The following ANO3 variants were observed in gnomAD, a reference collection of about 807,000 sequenced individuals.
ANO3 encodes anoctamin 3, also known as anoctamin-3.
Under a neutral mutation model 144.8 loss-of-function variants are expected in ANO3, and 99 were observed. The ratio of observed to expected loss-of-function variants is 0.68; its 90% CI spans 0.58 to 0.81. The LOEUF (loss-of-function observed/expected upper bound fraction) is 0.81. Ranked by LOEUF, ANO3 falls within the 30% of genes least tolerant of loss-of-function variation. The probability of loss-of-function intolerance (pLI) is 0.00; values close to 1 mark genes in which losing one functional copy is unlikely to be tolerated. For synonymous variants in ANO3, 414 were observed against 392.6 expected, an observed-to-expected ratio of 1.05 and a Z score of -0.64; for missense variants, 905 against 1,202.2, an observed-to-expected ratio of 0.75 and a Z score of 3.66.
chr11:26,621,755 A>G (rs1368784912), intron 17 of ANO3, among the ~76,000 whole-genome samples: 2 of 152,172 alleles, frequency 1.3e-5, no homozygotes, highest in African/African-American at 4.8e-5. Flanking sequence ...TGCACTAGAA[A>G]TTTATAATGA....
intron 7 of ANO3, among the ~76,000 whole-genome samples, chr11:26,530,219 G>A (rs1000910612): frequency 2.0e-5 from 3 of 152,162 alleles, no homozygotes; most frequent in Non-Finnish European, 4.4e-5. Context: ...TATTTTATGT[G>A]TGAGGAAACC....
intron 14 of ANO3, among the ~76,000 whole-genome samples, chr11:26,593,557 T>C (rs929607308): frequency 3.9e-5 from 6 of 152,148 alleles, no homozygotes; most frequent in Admixed American, 6.5e-5. Flanking sequence ...GTGAGGGTGA[T>C]GGCATGGGCT....
chr11:26,245,517 C>T (rs940478023), intron 1 of ANO3, among the ~76,000 whole-genome samples: 3 of 152,070 alleles, frequency 2.0e-5, no homozygotes, highest in Non-Finnish European at 2.9e-5. Flanking sequence ...CTTCCCCTTC[C>T]CTGATTTTGT....
intron 17 of ANO3, among the ~76,000 whole-genome samples, chr11:26,609,875 C>T (rs938177333): frequency 1.3e-5 from 2 of 152,112 alleles, no homozygotes; most frequent in African/African-American, 4.8e-5. Flanking sequence ...TAAGTGTTCC[C>T]TTTTCTTTGT....
chr11:26,332,401 T>A, intron 1 of ANO3, 80 bp downstream of exon 1: 1 of 1,396,276 alleles, frequency 7.2e-7, no homozygotes, highest in African/African-American at 1.4e-5. Context: ...AGGAGCATCC[T>A]TTGCAGGCTT....
At chr11:26,212,913 C>T (rs1851963298) in intron 1 of ANO3, among the ~76,000 whole-genome samples, 1 of 152,044 alleles carries the variant, frequency 6.6e-6, no homozygotes, top group Non-Finnish European at 1.5e-5. Flanking sequence ...TCTAGCAGCA[C>T]ATCAAAAAGC....
chr11:26,626,975 A>G (rs561436732), intron 18 of ANO3, among the ~76,000 whole-genome samples: 11 of 152,258 alleles, frequency 7.2e-5, no homozygotes, highest in Middle Eastern at 3.4e-3. Context: ...CAGTGTCTTA[A>G]GTAGGCAATA....
intron 3 of ANO3, among the ~76,000 whole-genome samples, chr11:26,448,934 C>T (rs985343268): frequency 3.9e-5 from 6 of 152,156 alleles, no homozygotes; most frequent in Non-Finnish European, 8.8e-5. Flanking sequence ...CAAAATCTTG[C>T]CTCCTTATAG....
intron 1 of ANO3, among the ~76,000 whole-genome samples, chr11:26,270,799 A>G (rs576465112): frequency 1.3e-5 from 2 of 152,314 alleles, no homozygotes; most frequent in Admixed American, 6.5e-5. Flanking sequence ...TCCTTGACAT[A>G]TGAAAAGGAT....
chr11:26,199,431 C>G (rs908867074), intron 1 of ANO3, among the ~76,000 whole-genome samples: 2 of 152,052 alleles, frequency 1.3e-5, no homozygotes, highest in African/African-American at 4.8e-5. Context: ...CCAAGCCTGT[C>G]TGATTCAGTT....
chr11:26,582,900 T>C (rs1419077320), intron 14 of ANO3, among the ~76,000 whole-genome samples: 1 of 152,180 alleles, frequency 6.6e-6, no homozygotes, highest in Non-Finnish European at 1.5e-5. Flanking sequence ...ATCAAATCAT[T>C]GGATGGTAAG....
At chr11:26,259,215 T>C (rs1853126343) in intron 1 of ANO3, among the ~76,000 whole-genome samples, 1 of 152,094 alleles carries the variant, frequency 6.6e-6, no homozygotes, top group African/African-American at 2.4e-5. Context: ...AATATAGAAA[T>C]AGATTGAATA....
chr11:26,430,555 C>T (rs1858057014), intron 1 of ANO3, among the ~76,000 whole-genome samples: 1 of 151,576 alleles, frequency 6.6e-6, no homozygotes, highest in South Asian at 2.1e-4. Context: ...GAAGGATGAA[C>T]ATTAAAAATT....
chr11:26,277,004 G>A (rs1170713594), intron 1 of ANO3, among the ~76,000 whole-genome samples: 2 of 152,042 alleles, frequency 1.3e-5, no homozygotes, highest in Non-Finnish European at 2.9e-5. Context: ...ATCACAGCAC[G>A]CGGTAAGCTT....
chr11:26,358,231 G>A (rs1210219374), intron 1 of ANO3, among the ~76,000 whole-genome samples: 2 of 148,436 alleles, frequency 1.3e-5, no homozygotes, highest in African/African-American at 5.0e-5. Flanking sequence ...GAGTGCAGCG[G>A]CGCCATCTCA....
chr11:26,289,968 A>T (rs1470677345), intron 1 of ANO3, among the ~76,000 whole-genome samples: 1 of 151,424 alleles, frequency 6.6e-6, no homozygotes, highest in East Asian at 2.0e-4. Context: ...CTCTTTTCCT[A>T]TTGATTGGAA....
intron 1 of ANO3, among the ~76,000 whole-genome samples, chr11:26,266,645 G>A (rs1853314925): frequency 6.6e-6 from 1 of 151,698 alleles, no homozygotes; most frequent in Non-Finnish European, 1.5e-5. Context: ...ATATTGACCA[G>A]GCTAGTCTCG....
intron 14 of ANO3, among the ~76,000 whole-genome samples, chr11:26,568,538 T>C (rs1850688724): frequency 6.6e-6 from 1 of 152,024 alleles, no homozygotes; most frequent in Admixed American, 6.6e-5. Context: ...TAATCCCATT[T>C]TTACAAAACA....
intron 1 of ANO3, among the ~76,000 whole-genome samples, chr11:26,253,047 C>G (rs1214952128): frequency 6.6e-6 from 1 of 152,130 alleles, no homozygotes; most frequent in Admixed American, 6.6e-5. Context: ...ACAGAGGAAG[C>G]AGAGGGCTTC....
Sources: gnomAD v4.1 joint callset for allele counts (sites outside exome capture counted in the v4.1 genomes callset) on GRCh38, gnomAD v4.1.1 for gene constraint, MANE v1.5 for transcripts, NCBI Gene and HGNC (gene_info 2026-07-23, HGNC 2026-07-21) for gene names.